NPIPB2: variants seen among roughly 807,000 people sequenced by gnomAD.
The protein encoded by NPIPB2 is nuclear pore complex-interacting protein family member B2.
NPIPB2 carries 27 observed loss-of-function variants against 30.8 expected under a neutral mutation model. That is an observed-to-expected ratio of 0.88 (90% CI 0.65 to 1.21). The LOEUF (loss-of-function observed/expected upper bound fraction) is 1.21, where lower values mean the gene tolerates loss of function less well. Ranked by LOEUF, NPIPB2 falls within the 50% of genes most tolerant of loss-of-function variation. The probability of loss-of-function intolerance (pLI) is 0.00; values close to 1 mark genes in which losing one functional copy is unlikely to be tolerated. For synonymous variants in NPIPB2, 147 were observed against 162.0 expected (o/e 0.91, Z 0.70); for missense variants, 440 against 446.2 (o/e 0.99, Z 0.13).
intron 1 of NPIPB2, among the ~76,000 whole-genome samples, chr16:11,971,776 C>T (rs1482479566): frequency 6.6e-5 from 10 of 151,990 alleles, no homozygotes; most frequent in East Asian, 1.9e-4. Context: ...ATTACAGGTG[C>T]GAGCTACCGT....
intron 1 of NPIPB2, among the ~76,000 whole-genome samples, chr16:11,960,717 C>T (rs1217447587): frequency 6.6e-6 from 1 of 152,032 alleles, no homozygotes; most frequent in Non-Finnish European, 1.5e-5. Flanking sequence ...TATCTACCAT[C>T]TGGCTTGCAT....
intron 1 of NPIPB2, among the ~76,000 whole-genome samples, chr16:11,973,079 G>C (rs2055245618): frequency 7.1e-6 from 1 of 141,780 alleles, no homozygotes; most frequent in Non-Finnish European, 1.5e-5. Context: ...AGACTCGCTT[G>C]AACCTGAGAG....
upstream of NPIPB2, among the ~76,000 whole-genome samples, chr16:11,942,288 T>C (rs904831793): frequency 6.8e-6 from 1 of 147,692 alleles, no homozygotes; most frequent in Non-Finnish European, 1.5e-5. Context: ...TAAAAGCTAA[T>C]TCAAAATTAT....
chr16:11,957,481 A>G (rs2055121476), intron 1 of NPIPB2, among the ~76,000 whole-genome samples: 1 of 151,808 alleles, frequency 6.6e-6, no homozygotes, highest in Non-Finnish European at 1.5e-5. Flanking sequence ...TTTTGTACAG[A>G]CGGGGTTTCA....
chr16:11,949,669 C>T (rs1451510591), intron 1 of NPIPB2, among the ~76,000 whole-genome samples: 3 of 152,246 alleles, frequency 2.0e-5, no homozygotes, highest in Non-Finnish European at 4.4e-5. Context: ...AGTCTCCTCA[C>T]TTGAGCCCTG....
chr16:11,967,375 C>G (rs761576150), intron 1 of NPIPB2, among the ~76,000 whole-genome samples: 8 of 152,142 alleles, frequency 5.3e-5, no homozygotes, highest in Non-Finnish European at 8.8e-5. Flanking sequence ...GTCCCGACTG[C>G]TCTGTAGGCT....
rs779106309 is a variant in NPIPB2, at chr16:11,966,291, T to C, written c.-584+10277A>G. The stretch of plus-strand genomic sequence containing the variant: ...TTGGCAGTTTTCGTGCTAATGTTTT[T>C]GCTAAGGAAGATAAACTCTGAACCA... On this transcript the variant is annotated intron_variant, in intron 1 of 5. Coordinates refer to the NPIPB2 transcript ENST00000538896. 11 of 1,614,098 alleles carry C rather than the reference T, an allele frequency of 6.8e-6. No individual in the cohort carries two copies. In the South Asian group the frequency reaches 1.2e-4, roughly 18 times the overall value.
At chr16:11,933,626 G>A (rs776115985) in exon 4 of NPIPB2, 52 of 1,596,614 alleles carry the variant, frequency 3.3e-5, no homozygotes, top group Non-Finnish European at 3.6e-5. Flanking sequence ...ACATGTCTCC[G>A]TAGAGTAATG....
At chr16:11,933,531 C>T (rs920312324) in exon 4 of NPIPB2, 4 of 1,596,874 alleles carry the variant, frequency 2.5e-6, no homozygotes, top group Non-Finnish European at 3.4e-6. Flanking sequence ...TTTTGGCGGT[C>T]TTCCTCTTTC....
Position 11,933,802 on chromosome 16 carries a change from TGGGGACTCCAACA to T in NPIPB2, c.292+10_292+22del, listed in dbSNP as rs1403202930. ...CCAGGGCAAACTCATTTCCACACTA[TGGGGACTCCAACA>T]GAGCCATACCTTCCTGTCTACGGCG... is the stretch of plus-strand genomic sequence containing the variant. On this transcript the variant is annotated intron_variant, in intron 3 of 7. Coordinates refer to ENST00000399147, the Ensembl canonical transcript of NPIPB2. 1.9e-6 allele frequency: 3 copies of T among 1,591,628 alleles called. No homozygotes were observed. In the Admixed American group the frequency reaches 5.0e-5, roughly 27 times the overall value.
intron 1 of NPIPB2, among the ~76,000 whole-genome samples, chr16:11,959,890 C>T (rs1005488131): frequency 5.9e-5 from 9 of 152,172 alleles, no homozygotes; most frequent in Non-Finnish European, 1.2e-4. Flanking sequence ...ATCCTCCTGC[C>T]TCAGCCTCCT....
chr16:11,942,584 A>G (rs1464084352), upstream of NPIPB2, among the ~76,000 whole-genome samples: 2 of 152,178 alleles, frequency 1.3e-5, no homozygotes, highest in African/African-American at 4.8e-5. Flanking sequence ...TGAGGGGGAG[A>G]AAACCAAGTT....
At chr16:11,966,462 G>C in intron 1 of NPIPB2, 2 of 1,023,922 alleles carry the variant, frequency 2.0e-6, no homozygotes, top group African/African-American at 1.6e-5. Flanking sequence ...GAATGTGTTA[G>C]AACATTGTTA....
At chr16:11,951,510 T>G (rs1329750786) in intron 1 of NPIPB2, among the ~76,000 whole-genome samples, 1 of 139,404 alleles carries the variant, frequency 7.2e-6, no homozygotes, top group Non-Finnish European at 1.5e-5. Context: ...TACTCAGAAT[T>G]CAAAACAAAG....
At chr16:11,976,191 A>G (rs1207541140) in intron 1 of NPIPB2, among the ~76,000 whole-genome samples, 1 of 151,606 alleles carries the variant, frequency 6.6e-6, no homozygotes, top group Admixed American at 6.6e-5. Flanking sequence ...GGCCTCCCAA[A>G]GTGTTGGGAT....
In NPIPB2 at chr16:11,955,869, G is replaced by A. The variant is rs75084349; in HGVS notation, c.-583-13755C>T. Among the ~76,000 whole-genome samples, 29 of 116,032 alleles carry A rather than the reference G, an allele frequency of 2.5e-4. 2 individuals carry two copies. The East Asian group carries it at 7.2e-3, about 29-fold the overall frequency. 76.1% of individuals were successfully genotyped at this position (116,032 alleles called of 152,430 possible). ...AGAGAAACGTTTAATCCCACTCCAC[G>A]TATCCCCTCTGGAACTTGACTCTCG... On this transcript the variant is annotated intron_variant, in intron 1 of 5. Transcript: ENST00000538896.
chr16:11,975,524 C>T (rs896693933), intron 1 of NPIPB2, among the ~76,000 whole-genome samples: 1 of 152,024 alleles, frequency 6.6e-6, no homozygotes, highest in African/African-American at 2.4e-5. Flanking sequence ...GCAATAACTC[C>T]TTAACCACCT....
chr16:11,973,215 A>T (rs1001210813), intron 1 of NPIPB2, among the ~76,000 whole-genome samples: 3 of 148,800 alleles, frequency 2.0e-5, no homozygotes, highest in Non-Finnish European at 4.4e-5. Flanking sequence ...TCTAAAAGGG[A>T]GGAGTCTATC....
chr16:11,944,498 C>T (rs1393318700), upstream of NPIPB2, among the ~76,000 whole-genome samples: 2 of 151,590 alleles, frequency 1.3e-5, no homozygotes, highest in Non-Finnish European at 2.9e-5. Flanking sequence ...TGCGGTAGCT[C>T]ACGCCTGTAA....
Sources: allele counts gnomAD v4.1 joint callset (sites outside exome capture counted in the v4.1 genomes callset), GRCh38; gene constraint gnomAD v4.1.1; transcripts MANE v1.5; gene names NCBI Gene and HGNC (gene_info 2026-07-23, HGNC 2026-07-21).